Variants in HLF observed in about 807,000 individuals in gnomAD.
HLF encodes hepatic leukemia factor.
HLF carries 3 observed loss-of-function variants against 22.6 expected under a neutral mutation model. The ratio of observed to expected loss-of-function variants is 0.13; its 90% CI spans 0.06 to 0.34. The LOEUF (loss-of-function observed/expected upper bound fraction) is 0.34. Among genes scored for constraint, HLF ranks in the 10% least tolerant of loss-of-function variants. HLF has a pLI of 1.00. For synonymous variants in HLF, 151 were observed against 151.8 expected (o/e 0.99, Z 0.04); for missense variants, 299 against 389.2 (o/e 0.77, Z 1.95).
intron 2 of HLF, among the ~76,000 whole-genome samples, chr17:55,297,776 C>T (rs1253504810): frequency 2.6e-5 from 3 of 116,598 alleles, no homozygotes; most frequent in Admixed American, 1.2e-4. Context: ...GATGGAGTCT[C>T]GCTCTGTCAC....
intron 2 of HLF, among the ~76,000 whole-genome samples, chr17:55,280,460 C>A (rs2080943377): frequency 6.6e-6 from 1 of 152,188 alleles, no homozygotes; most frequent in African/African-American, 2.4e-5. Context: ...CTCCATATGC[C>A]CTGCTGTGCC....
intron 2 of HLF, among the ~76,000 whole-genome samples, chr17:55,287,793 C>T (rs1000302267): frequency 1.3e-5 from 2 of 152,240 alleles, no homozygotes; most frequent in African/African-American, 2.4e-5. Context: ...CTTGTGGACT[C>T]CCTGTTGTTG....
intron 2 of HLF, among the ~76,000 whole-genome samples, chr17:55,274,372 G>A (rs1415965948): frequency 6.6e-6 from 1 of 152,178 alleles, no homozygotes; most frequent in Admixed American, 6.5e-5. Flanking sequence ...ATTCTGTAAT[G>A]GGTGTGGGTG....
intron 2 of HLF, among the ~76,000 whole-genome samples, chr17:55,290,908 T>C (rs1166362211): frequency 6.6e-6 from 1 of 152,212 alleles, no homozygotes; most frequent in Non-Finnish European, 1.5e-5. Flanking sequence ...AACAGCCGTA[T>C]TGCTGATATG....
intron 2 of HLF, among the ~76,000 whole-genome samples, chr17:55,285,955 G>A (rs750135920): frequency 1.1e-4 from 17 of 152,216 alleles, no homozygotes; most frequent in Non-Finnish European, 2.5e-4. Flanking sequence ...AGTGATGCCT[G>A]AGAGAAGCCC....
intron 2 of HLF, among the ~76,000 whole-genome samples, chr17:55,280,163 C>T (rs138054151): frequency 1.2e-4 from 19 of 152,322 alleles, no homozygotes; most frequent in African/African-American, 4.6e-4. Flanking sequence ...CTTCTTCCAC[C>T]TCCATGGCTA....
chr17:55,285,800 G>A (rs2079352147), intron 2 of HLF, among the ~76,000 whole-genome samples: 1 of 152,212 alleles, frequency 6.6e-6, no homozygotes, highest in South Asian at 2.1e-4. Context: ...CCACGGTGGT[G>A]TCTATTTGGG....
Position 55,265,602 on chromosome 17 carries a change from G to A in HLF, c.115+3G>A, listed in dbSNP as rs2145285696. The A allele has an allele frequency of 1.3e-6, 2 of 1,578,784 alleles. No individual in the cohort carries two copies. Among genetic ancestry groups the A allele is most frequent in the East Asian group, 2.3e-5 (1 of 43,018 alleles). On this transcript the variant is annotated splice_donor_region_variant and intron_variant, in intron 1 of 3. Transcript: ENST00000226067. Reference sequence around the variant, plus strand: ...GCTCCCCCTTCACCACGAAGACGGTGAGCGCTGCCGCGGCCCCGCTCCGGG... The same window carrying A: ...GCTCCCCCTTCACCACGAAGACGGTAAGCGCTGCCGCGGCCCCGCTCCGGG...
chr17:55,296,634 A>T (rs370698749), intron 2 of HLF, among the ~76,000 whole-genome samples: 10 of 152,154 alleles, frequency 6.6e-5, no homozygotes, highest in Admixed American at 5.9e-4. Context: ...GATATGCTAT[A>T]ATTTACTTAA....
chr17:55,278,420 C>T (rs1271663014), intron 2 of HLF, among the ~76,000 whole-genome samples: 1 of 152,200 alleles, frequency 6.6e-6, no homozygotes, highest in African/African-American at 2.4e-5. Flanking sequence ...GGAACCCAGG[C>T]ATGGACAGTA....
At chr17:55,284,996 A>T (rs1481888790) in intron 2 of HLF, among the ~76,000 whole-genome samples, 1 of 152,148 alleles carries the variant, frequency 6.6e-6, no homozygotes. Context: ...GGAGACCAAG[A>T]CCACTGAAGC....
intron 2 of HLF, among the ~76,000 whole-genome samples, chr17:55,281,359 C>T (rs2080953967): frequency 6.6e-6 from 1 of 152,008 alleles, no homozygotes; most frequent in Non-Finnish European, 1.5e-5. Context: ...ACGAAAAATA[C>T]AAAATTAGCC....
chr17:55,280,058 T>C (rs1787362012), intron 2 of HLF, among the ~76,000 whole-genome samples: 1 of 152,148 alleles, frequency 6.6e-6, no homozygotes, highest in African/African-American at 2.4e-5. Context: ...GAGAAGTAAA[T>C]GAGATGATAC....
chr17:55,265,665 G>C, intron 1 of HLF, 66 bp downstream of exon 1: 2 of 1,257,260 alleles, frequency 1.6e-6, no homozygotes, highest in Non-Finnish European at 2.2e-6. Context: ...CCGCGGCCGG[G>C]CACGCCCGCT....
At position 55,323,899 on chromosome 17, in the gene HLF, A is replaced by G. The variant is rs1248199882; in HGVS notation, c.*3020A>G. ...TGAATCCAAATCATATCATACTGAC[A>G]TCATCTAGACATGATTTGGAAGGAA... is the stretch of plus-strand genomic sequence containing the variant. On this transcript the variant is annotated 3_prime_UTR_variant, in exon 4 of 4. Coordinates refer to ENST00000226067, the MANE Select transcript of HLF (RefSeq NM_002126.5). 1.3e-5 allele frequency: 3 copies of G among 229,074 alleles called. No homozygotes were observed. The highest frequency in any genetic ancestry group is 1.2e-4 in the East Asian group (2 of 16,112). The allele number at this position is 229,074 out of a possible 1,614,324, so 14.2% of individuals were successfully genotyped here.
intron 3 of HLF, among the ~76,000 whole-genome samples, chr17:55,318,578 T>C (rs1905153798): frequency 6.6e-6 from 1 of 152,008 alleles, no homozygotes; most frequent in Non-Finnish European, 1.5e-5. Context: ...GACCCCCCAT[T>C]CCTCCCCCAT....
intron 2 of HLF, among the ~76,000 whole-genome samples, chr17:55,277,378 C>T (rs1028032866): frequency 6.6e-6 from 1 of 151,686 alleles, no homozygotes; most frequent in Admixed American, 6.6e-5. Flanking sequence ...TAAGGATTAC[C>T]TGGGGCAGTA....
chr17:55,270,137 G>T (rs533765705), intron 2 of HLF, among the ~76,000 whole-genome samples: 1 of 152,322 alleles, frequency 6.6e-6, no homozygotes, highest in East Asian at 1.9e-4. Flanking sequence ...GCATAGCAAA[G>T]AACTCCTGAG....
chr17:55,315,651 AC>A (rs1310271605), intron 3 of HLF, among the ~76,000 whole-genome samples: 1 of 152,214 alleles, frequency 6.6e-6, no homozygotes, highest in Admixed American at 6.5e-5. Flanking sequence ...TTGATGCTGA[AC>A]AGAAACAAGG....
Sources: allele counts gnomAD v4.1 joint callset (sites outside exome capture counted in the v4.1 genomes callset), GRCh38; gene constraint gnomAD v4.1.1; transcripts MANE v1.5; gene names NCBI Gene and HGNC (gene_info 2026-07-23, HGNC 2026-07-21).